GRM8: variants seen among roughly 807,000 people sequenced by gnomAD.
GRM8 encodes metabotropic glutamate receptor 8.
A neutral mutation model predicts 87.2 loss-of-function variants in GRM8; 47 were observed. That is an observed-to-expected ratio of 0.54 (90% CI 0.43 to 0.69). The LOEUF (loss-of-function observed/expected upper bound fraction) is 0.69, where lower values mean the gene tolerates loss of function less well. GRM8 is among the 30% of genes least tolerant of loss of function. The pLI, the probability that GRM8 is intolerant of heterozygous loss-of-function variation, is 0.00. For missense variants in GRM8, 1,019 were observed against 1,139.2 expected (o/e 0.89, Z 1.52); for synonymous variants, 396 against 404.5 (o/e 0.98, Z 0.25).
chr7:126,862,637 G>A (rs758518229), intron 6 of GRM8, among the ~76,000 whole-genome samples: 35 of 151,856 alleles, frequency 2.3e-4, no homozygotes, highest in Non-Finnish European at 3.5e-4. Context: ...CTAATTTAAT[G>A]CTTTAAATTA....
intron 6 of GRM8, among the ~76,000 whole-genome samples, chr7:126,820,719 C>T (rs780694359): frequency 6.6e-6 from 1 of 152,204 alleles, no homozygotes; most frequent in Non-Finnish European, 1.5e-5. Context: ...TCCACACTGG[C>T]TGCTTAAACC....
At chr7:126,700,638 C>G (rs1809824009) in intron 7 of GRM8, among the ~76,000 whole-genome samples, 1 of 151,988 alleles carries the variant, frequency 6.6e-6, no homozygotes, top group African/African-American at 2.4e-5. Context: ...AATTGGGACT[C>G]CAGTCCCAAT....
At chr7:126,921,274 A>T (rs1409114246) in intron 3 of GRM8, among the ~76,000 whole-genome samples, 1 of 152,186 alleles carries the variant, frequency 6.6e-6, no homozygotes, top group African/African-American at 2.4e-5. Context: ...TGATAGAAAT[A>T]TCTCAATAGA....
intron 9 of GRM8, among the ~76,000 whole-genome samples, chr7:126,494,405 G>A (rs1808437016): frequency 6.6e-6 from 1 of 151,952 alleles, no homozygotes; most frequent in Non-Finnish European, 1.5e-5. Context: ...TAATTCTAAT[G>A]ATTTTCAGGT....
intron 6 of GRM8, among the ~76,000 whole-genome samples, chr7:126,855,158 C>T (rs962830838): frequency 6.6e-6 from 1 of 152,060 alleles, no homozygotes; most frequent in Non-Finnish European, 1.5e-5. Flanking sequence ...AAATATGAAT[C>T]CTTTCATAGG....
intron 8 of GRM8, among the ~76,000 whole-genome samples, chr7:126,550,391 C>T (rs1792460363): frequency 6.6e-6 from 1 of 152,086 alleles, no homozygotes. Context: ...GGATTACAGG[C>T]ATAAGCCACC....
chr7:127,243,081 C>T lies in GRM8; in HGVS notation c.124G>A (p.Val42Met). ...HSQEYAHSIR[V>M]DGDIILGGLF... ...CCCCCCAAAATAATGTCCCCATCCA[C>T]CCGTATGGAATGGGCATACTCCTGG... The change falls in exon 2 of 11, where the codon GTG (valine) becomes ATG (methionine). Residue 42 changes from valine (V) to methionine (M), a missense_variant. Physicochemically the swap from Val to Met is conservative, Grantham distance 21. Coordinates refer to ENST00000339582, the MANE Select transcript of GRM8 (RefSeq NM_000845.3). The T allele has an allele frequency of 6.2e-7, 1 of 1,613,998 alleles. No homozygotes were observed. The highest frequency in any genetic ancestry group is 8.5e-7 in the Non-Finnish European group (1 of 1,179,896).
At chr7:127,068,548 T>G (rs1315012408) in intron 3 of GRM8, among the ~76,000 whole-genome samples, 1 of 152,142 alleles carries the variant, frequency 6.6e-6, no homozygotes, top group Non-Finnish European at 1.5e-5. Flanking sequence ...CAACTAGAAC[T>G]GGGGCACACA....
chr7:127,142,529 T>C (rs1291817917), intron 2 of GRM8, among the ~76,000 whole-genome samples: 3 of 152,198 alleles, frequency 2.0e-5, no homozygotes, highest in African/African-American at 7.2e-5. Flanking sequence ...CCTCAATAAA[T>C]GTACTCAAAT....
intron 2 of GRM8, among the ~76,000 whole-genome samples, chr7:127,123,260 G>A (rs1209625717): frequency 3.3e-5 from 5 of 152,074 alleles, no homozygotes; most frequent in African/African-American, 4.8e-5. Flanking sequence ...CAACTGCTAC[G>A]GTTTGAATGT....
intron 8 of GRM8, among the ~76,000 whole-genome samples, chr7:126,561,533 T>A (rs1793696349): frequency 6.6e-6 from 1 of 151,888 alleles, no homozygotes; most frequent in Non-Finnish European, 1.5e-5. Context: ...ACCAAAACAA[T>A]AACACAATGG....
At chr7:126,493,688 A>G (rs1808325986) in intron 9 of GRM8, among the ~76,000 whole-genome samples, 1 of 152,146 alleles carries the variant, frequency 6.6e-6, no homozygotes, top group Non-Finnish European at 1.5e-5. Context: ...TGACCTTGAC[A>G]GAGTCCCTGA....
At chr7:126,886,329 T>C (rs527271417) in intron 6 of GRM8, among the ~76,000 whole-genome samples, 1 of 152,272 alleles carries the variant, frequency 6.6e-6, no homozygotes, top group East Asian at 1.9e-4. Flanking sequence ...TAAATTACAC[T>C]TTTTTAACAA....
At position 126,947,091 on chromosome 7, in the gene GRM8, G is replaced by A. The variant is rs529748304; in HGVS notation, c.728-42408C>T. The stretch of plus-strand genomic sequence containing the variant: ...ATTTTAGCACATCTTCTAGCATGGT[G>A]TGTCATGTCAAGTACCCTTTATGAG... On this transcript the variant is annotated intron_variant, in intron 3 of 10. Coordinates refer to ENST00000339582, the MANE Select transcript of GRM8 (RefSeq NM_000845.3). Among the ~76,000 whole-genome samples the A allele has an allele frequency of 2.6e-5, 4 of 152,278 alleles. No homozygotes were observed. In the East Asian group the frequency reaches 7.7e-4, roughly 29 times the overall value.
chr7:127,184,641 A>G (rs1296547516), intron 2 of GRM8, among the ~76,000 whole-genome samples: 6 of 151,986 alleles, frequency 3.9e-5, no homozygotes, highest in African/African-American at 9.7e-5. Flanking sequence ...AATTAAATAC[A>G]TAAGACAAGA....
intron 9 of GRM8, among the ~76,000 whole-genome samples, chr7:126,507,080 CCG>C: frequency 6.6e-6 from 1 of 152,140 alleles, no homozygotes; most frequent in African/African-American, 2.4e-5. Context: ...CTTTTACTTT[CCG>C]CAAGTAATTT....
chr7:126,563,463 C>A (rs1793921361), intron 8 of GRM8, among the ~76,000 whole-genome samples: 1 of 152,108 alleles, frequency 6.6e-6, no homozygotes, highest in Non-Finnish European at 1.5e-5. Context: ...CCAAAAACTA[C>A]CTTTACTTTA....
chr7:126,667,269 G>C (rs1460174613), intron 7 of GRM8, among the ~76,000 whole-genome samples: 3 of 152,158 alleles, frequency 2.0e-5, no homozygotes, highest in African/African-American at 7.2e-5. Context: ...ATGTTAATAT[G>C]ATACTTGAAT....
intron 9 of GRM8, among the ~76,000 whole-genome samples, chr7:126,520,498 T>G (rs1359739656): frequency 6.6e-6 from 1 of 152,050 alleles, no homozygotes; most frequent in African/African-American, 2.4e-5. Flanking sequence ...AATGCAGCTT[T>G]TCTAGCAGGA....
Sources: gnomAD v4.1 joint callset for allele counts (sites outside exome capture counted in the v4.1 genomes callset) on GRCh38, gnomAD v4.1.1 for gene constraint, MANE v1.5 for transcripts, NCBI Gene and HGNC (gene_info 2026-07-23, HGNC 2026-07-21) for gene names.